The following CEP350 variants were observed in gnomAD, a reference collection of about 807,000 sequenced individuals.
CEP350 encodes centrosome-associated protein 350.
CEP350 carries 126 observed loss-of-function variants against 331.8 expected under a neutral mutation model. The ratio of observed to expected loss-of-function variants is 0.38; its 90% CI spans 0.33 to 0.44. CEP350 has a LOEUF of 0.44. Ranked by LOEUF, CEP350 falls within the 20% of genes least tolerant of loss-of-function variation. The pLI is 1.00. For synonymous variants in CEP350, 1,200 were observed against 1,259.5 expected (o/e 0.95, Z 1.00); for missense variants, 3,406 against 3,634.6 (o/e 0.94, Z 1.62).
intron 10 of CEP350, among the ~76,000 whole-genome samples, chr1:180,015,210 G>GTTTA (rs112553202): frequency 0.12 from 17,673 of 143,386 alleles, 1,994 homozygotes; most frequent in African/African-American, 0.29. Flanking sequence ...CTAGGAAATT[G>GTTTA]TTTATTTATT....
Position 180,012,034 on chromosome 1 carries a change from C to A in CEP350, c.1352C>A (p.Ala451Glu), listed in dbSNP as rs1202674944. 2 of 1,574,446 alleles carry A rather than the reference C, an allele frequency of 1.3e-6. No homozygotes were observed. The highest frequency in any genetic ancestry group is 3.8e-5 in the Admixed American group (2 of 53,282). ...PRMEPKEQRT[A>E]SSDRGGRERT... The stretch of plus-strand genomic sequence containing the variant: ...ATGGAGCCAAAAGAGCAAAGAACAG[C>A]ATCAAGTGACAGAGGTGGAAGAGAA... The change falls in exon 9 of 38, where the codon GCA becomes GAA. Residue 451 changes from alanine to glutamate, a missense_variant. By Grantham distance (107) the Ala-to-Glu change is moderately radical. This residue lies in a region of CEP350 where 1,857 missense variants were observed against 1,909.2 expected (regional missense o/e 0.97). Transcript: ENST00000367607.
At chr1:179,975,590 CAA>C (rs936286713) in intron 1 of CEP350, among the ~76,000 whole-genome samples, 7 of 151,026 alleles carry the variant, frequency 4.6e-5, no homozygotes, top group South Asian at 2.1e-4. Context: ...AATAAAGAAA[CAA>C]AGGTATAAAT....
In CEP350 at chr1:180,020,487, A is replaced by C; in HGVS notation, c.2713A>C (p.Thr905Pro). The change falls in exon 12 of 38, where the codon ACT (threonine) becomes CCT (proline). Residue 905 changes from threonine (T) to proline (P), a missense_variant. Around this residue, in one of 5 missense-constraint regions of CEP350, gnomAD observed 1,857 missense variants for 1,909.2 expected, o/e 0.97. Coordinates refer to ENST00000367607, the MANE Select transcript of CEP350 (RefSeq NM_014810.5). ...KMLGSCVSHATFDDDLPGVGN... is the reference protein window; with the variant it reads ...KMLGSCVSHAPFDDDLPGVGN... ...GCTGGGAAGCTGTGTATCTCATGCA[A>C]CTTTTGATGATGATCTTCCTGGTGT... 1 of 1,614,000 alleles carries C rather than the reference A, an allele frequency of 6.2e-7. No individual in the cohort carries two copies. The highest frequency in any genetic ancestry group is 1.3e-5 in the African/African-American group (1 of 75,046).
chr1:180,002,495 TA>T (rs1229544152), intron 6 of CEP350, among the ~76,000 whole-genome samples: 1 of 151,622 alleles, frequency 6.6e-6, no homozygotes, highest in East Asian at 1.9e-4. Flanking sequence ...TAAAATGAAA[TA>T]AAATAAAATA....
intron 1 of CEP350, among the ~76,000 whole-genome samples, chr1:179,961,786 A>G (rs1038375505): frequency 6.6e-6 from 1 of 152,166 alleles, no homozygotes; most frequent in African/African-American, 2.4e-5. Flanking sequence ...TGTTGAACCT[A>G]TCACTGAAAT....
rs1176484314 is a variant in CEP350 at position 180,080,166 on chromosome 1, A to G, written c.5980-351A>G. Among the ~76,000 whole-genome samples the G allele has an allele frequency of 2.6e-5, 4 of 152,160 alleles. No homozygotes were observed. In the East Asian group the frequency reaches 7.7e-4, roughly 29 times the overall value. On this transcript the variant is annotated intron_variant, in intron 29 of 37. Transcript: ENST00000367607. ...CTTCCTCTCTCCTTTCCGTAAAAGTAGTACATACTGAGTATTTTTAAAATT... is the reference window on the plus strand; with the variant it reads ...CTTCCTCTCTCCTTTCCGTAAAAGTGGTACATACTGAGTATTTTTAAAATT...
intron 21 of CEP350, 53 bp downstream of exon 21, chr1:180,044,226 G>T: frequency 7.0e-7 from 1 of 1,436,000 alleles, no homozygotes; most frequent in South Asian, 1.5e-5. Flanking sequence ...TGTGATAAAT[G>T]GCTTAAACAT....
At chr1:180,038,953 C>G (rs1656559152) in intron 17 of CEP350, among the ~76,000 whole-genome samples, 1 of 152,082 alleles carries the variant, frequency 6.6e-6, no homozygotes, top group Non-Finnish European at 1.5e-5. Context: ...GTGGCTCACA[C>G]CTGTTATCCC....
chr1:180,031,402 A>G lies in CEP350; in HGVS notation c.3633A>G (p.Lys1211=). The change falls in exon 15 of 38, where the codon AAA becomes AAG. Residue 1211 remains lysine (K), a synonymous_variant. Transcript: ENST00000367607. ...KAERGSHQGK[K]SGTSSKLSVK... ...AACGTGGCTCCCATCAAGGAAAGAA[A>G]TCTGGGACCAGCAGCAAACTTTCTG... 1 of 1,607,496 alleles carries G rather than the reference A, an allele frequency of 6.2e-7. No individual in the cohort carries two copies. The highest frequency in any genetic ancestry group is 8.5e-7 in the Non-Finnish European group (1 of 1,175,736).
intron 19 of CEP350, 41 bp from the exon 20 acceptor site, chr1:180,043,015 G>A (rs768408946): frequency 3.8e-6 from 6 of 1,589,520 alleles, no homozygotes; most frequent in Admixed American, 1.7e-5. Context: ...CTGACCTTAC[G>A]TTTTAATACA....
intron 26 of CEP350, 115 bp from the exon 27 acceptor site, chr1:180,065,000 C>A: frequency 9.0e-7 from 1 of 1,112,168 alleles, no homozygotes; most frequent in Non-Finnish European, 1.2e-6. Flanking sequence ...ATCTTATTTT[C>A]AACTATTGTT....
chr1:180,006,401 G>A, intron 7 of CEP350, 53 bp from the exon 8 acceptor site: 1 of 910,938 alleles, frequency 1.1e-6, no homozygotes, highest in African/African-American at 1.7e-5. Context: ...CGGAGGATAA[G>A]TGAGGGAATG....
chr1:180,074,874 T>C (rs1659124651), intron 27 of CEP350, 148 bp from the exon 28 acceptor site: 2 of 583,204 alleles, frequency 3.4e-6, no homozygotes, highest in Non-Finnish European at 2.9e-6. Flanking sequence ...AAAGCTTCTA[T>C]TATCTCAAGC....
At chr1:180,044,644 A>AG (rs1656997020) in intron 21 of CEP350, among the ~76,000 whole-genome samples, 1 of 128,216 alleles carries the variant, frequency 7.8e-6, no homozygotes, top group Non-Finnish European at 1.6e-5. Flanking sequence ...ACATGGACAC[A>AG]GGAAGGGAAA....
intron 34 of CEP350, 52 bp from the exon 35 acceptor site, chr1:180,095,471 A>C: frequency 6.5e-7 from 1 of 1,531,010 alleles, no homozygotes; most frequent in Non-Finnish European, 8.8e-7. Context: ...TTAAAAAAAA[A>C]TGATATGAGG....
chr1:179,983,673 G>A (rs962825364), intron 1 of CEP350, among the ~76,000 whole-genome samples: 4 of 152,144 alleles, frequency 2.6e-5, no homozygotes, highest in African/African-American at 9.7e-5. Context: ...TAATAGGTGA[G>A]CCCTTCTTTT....
intron 8 of CEP350, among the ~76,000 whole-genome samples, chr1:180,008,210 A>G (rs1654390995): frequency 6.6e-6 from 1 of 152,180 alleles, no homozygotes; most frequent in Admixed American, 6.5e-5. Flanking sequence ...TGAATAGATC[A>G]AGAATGGAAA....
chr1:180,087,664 G>T lies in CEP350; in HGVS notation c.6372G>T (p.Thr2124=). The T allele has an allele frequency of 1.9e-6, 3 of 1,578,846 alleles. No homozygotes were observed. Among genetic ancestry groups the T allele is most frequent in the Non-Finnish European group, 2.6e-6 (3 of 1,160,808 alleles). ...TSPTAKPQIK[T]LSSASEKPKI... is the part of the protein sequence containing the mutation. ...CAACAGCCAAGCCTCAGATTAAAAC[G>T]CTCTCCTCAGCTTCTGAAAAACCCA... is the stretch of plus-strand genomic sequence containing the variant. Residue 2124 remains threonine (T), a synonymous_variant, in exon 32 of 38, where the codon ACG becomes ACT. Transcript: ENST00000367607.
rs113043014 is a variant in CEP350 at position 179,956,508 on chromosome 1, A to G, written c.-14+1366A>G. Reference sequence around the variant, plus strand: ...AAGAGCGTTAATACTTAAACAGCCAACCTTCTGTGGGGCAATCAATTTATG... The same window carrying G: ...AAGAGCGTTAATACTTAAACAGCCAGCCTTCTGTGGGGCAATCAATTTATG... On this transcript the variant is annotated intron_variant, in intron 1 of 37. Transcript: ENST00000367607. Among the ~76,000 whole-genome samples, 1,151 of 152,246 alleles carry G rather than the reference A, an allele frequency of 7.6e-3. 15 individuals carry two copies. The highest frequency in any genetic ancestry group is 0.025 in the African/African-American group (1,055 of 41,546).
Sources: gnomAD v4.1 joint callset for allele counts (sites outside exome capture counted in the v4.1 genomes callset) on GRCh38, gnomAD v4.1.1 for gene constraint, gnomAD v4.1.1 regional missense constraint, MANE v1.5 for transcripts, NCBI Gene and HGNC (gene_info 2026-07-23, HGNC 2026-07-21) for gene names.